ZFPM2: variants seen among roughly 807,000 people sequenced by gnomAD.
ZFPM2 encodes the protein zinc finger protein, FOG family member 2, also known as zinc finger protein ZFPM2.
A neutral mutation model predicts 98.6 loss-of-function variants in ZFPM2; 20 were observed. The observed-to-expected ratio is 0.20, with a 90% CI of 0.14 to 0.29. ZFPM2 has a LOEUF of 0.29. ZFPM2 is among the 10% of genes least tolerant of loss of function. The pLI, the probability that ZFPM2 is intolerant of heterozygous loss-of-function variation, is 1.00. For synonymous variants in ZFPM2, 518 were observed against 502.7 expected, an observed-to-expected ratio of 1.03 and a Z score of -0.41; for missense variants, 1,310 against 1,388.6, an observed-to-expected ratio of 0.94 and a Z score of 0.90.
At chr8:105,669,136 CA>C (rs1389676886) in intron 5 of ZFPM2, among the ~76,000 whole-genome samples, 1 of 151,936 alleles carries the variant, frequency 6.6e-6, no homozygotes, top group African/African-American at 2.4e-5. Context: ...ATATTGCAAG[CA>C]AATGTTATAA....
rs189078418 is a variant in ZFPM2, at chr8:105,570,674, A to G, written c.420+9193A>G. Among the ~76,000 whole-genome samples, 19 of 152,284 alleles carry G rather than the reference A, an allele frequency of 1.2e-4. No homozygotes were observed. The East Asian group carries it at 1.9e-3, about 15-fold the overall frequency. On this transcript the variant is annotated intron_variant, in intron 4 of 7. Transcript: ENST00000407775. Reference sequence around the variant, plus strand: ...GTGTATAGCTAGCCTGTTAACCTCAATCTCATCCTGACTTACTTTTTCTCC... The same window carrying G: ...GTGTATAGCTAGCCTGTTAACCTCAGTCTCATCCTGACTTACTTTTTCTCC...
rs13262256 is a variant in ZFPM2 at position 105,330,633 on chromosome 8, C to T, written c.40+11652C>T. On this transcript the variant is annotated intron_variant, in intron 1 of 7. Coordinates refer to ENST00000407775, the MANE Select transcript of ZFPM2 (RefSeq NM_012082.4). ...ATACACATATATATATATATATATA[C>T]ATATATATATATATATTTTTCAGGA... is the stretch of plus-strand genomic sequence containing the variant. 6.2e-3 allele frequency among the ~76,000 whole-genome samples: 525 copies of T among 85,270 alleles called. 5 individuals carry two copies. Among genetic ancestry groups the T allele is most frequent in the African/African-American group, 7.9e-3 (177 of 22,462 alleles). The allele number at this position is 85,270 out of a possible 152,430, so 55.9% of individuals were successfully genotyped here.
At position 105,604,533 on chromosome 8, in the gene ZFPM2, C is replaced by T. The variant is rs1175077478; in HGVS notation, c.421-29713C>T. ...CTTTTCCGTGGTCTCCATGGCTCTACATGATCTGGACTTTTTCTAGCCCCT... is the reference window on the plus strand; with the variant it reads ...CTTTTCCGTGGTCTCCATGGCTCTATATGATCTGGACTTTTTCTAGCCCCT... On this transcript the variant is annotated intron_variant, in intron 4 of 7. Transcript: ENST00000407775. 2.6e-5 allele frequency among the ~76,000 whole-genome samples: 4 copies of T among 152,090 alleles called. No individual in the cohort carries two copies. The East Asian group carries it at 7.7e-4, about 29-fold the overall frequency.
chr8:105,442,130 G>A (rs1263956639), intron 2 of ZFPM2, among the ~76,000 whole-genome samples: 2 of 150,862 alleles, frequency 1.3e-5, no homozygotes, highest in African/African-American at 2.4e-5. Context: ...TCAGGAGATC[G>A]AGACTATCCT....
intron 3 of ZFPM2, among the ~76,000 whole-genome samples, chr8:105,495,553 G>T (rs1246862209): frequency 1.3e-5 from 2 of 152,108 alleles, no homozygotes; most frequent in African/African-American, 2.4e-5. Flanking sequence ...TTGCTTGCTT[G>T]CTTGTTCCTG....
At chr8:105,396,027 C>T (rs1434836059) in intron 1 of ZFPM2, among the ~76,000 whole-genome samples, 1 of 152,172 alleles carries the variant, frequency 6.6e-6, no homozygotes, top group Non-Finnish European at 1.5e-5. Flanking sequence ...ATTTTTATTA[C>T]ATTTCCATCA....
intron 3 of ZFPM2, among the ~76,000 whole-genome samples, chr8:105,537,217 G>A (rs1435250467): frequency 6.6e-6 from 1 of 151,728 alleles, no homozygotes; most frequent in Non-Finnish European, 1.5e-5. Context: ...TCTGTTTTCT[G>A]TTGAAGTATT....
chr8:105,555,785 A>AT (rs1178204631), intron 3 of ZFPM2, among the ~76,000 whole-genome samples: 1 of 152,194 alleles, frequency 6.6e-6, no homozygotes. Context: ...ATGAAGGAGA[A>AT]TAGCTTTGGG....
At chr8:105,767,313 G>T (rs1010128686) in intron 5 of ZFPM2, among the ~76,000 whole-genome samples, 4 of 151,830 alleles carry the variant, frequency 2.6e-5, no homozygotes, top group African/African-American at 9.7e-5. Flanking sequence ...CAAAAATATT[G>T]CTTTTATGCA....
chr8:105,373,981 A>G (rs1437529309), intron 1 of ZFPM2, among the ~76,000 whole-genome samples: 2 of 152,222 alleles, frequency 1.3e-5, no homozygotes, highest in African/African-American at 4.8e-5. Flanking sequence ...GGAACGAACT[A>G]GATATTGTGT....
At chr8:105,376,926 G>A (rs1360968033) in intron 1 of ZFPM2, among the ~76,000 whole-genome samples, 9 of 152,148 alleles carry the variant, frequency 5.9e-5, no homozygotes, top group Non-Finnish European at 2.9e-5. Context: ...GCTTCCCAAT[G>A]CAATTAGAAT....
intron 4 of ZFPM2, among the ~76,000 whole-genome samples, chr8:105,573,390 G>A (rs2130725724): frequency 6.6e-6 from 1 of 152,218 alleles, no homozygotes. Context: ...AAGGTAATTT[G>A]CATAAGTAGT....
rs144575808 is a variant in ZFPM2, at chr8:105,701,664, G to C, written c.532+67307G>C. 4.6e-5 allele frequency among the ~76,000 whole-genome samples: 7 copies of C among 152,188 alleles called. No homozygotes were observed. In the East Asian group the frequency reaches 1.4e-3, roughly 29 times the overall value. ...GTGGTAGAAATATGCATAATTTAACGTTACAAAATACATGCCTGGAAGTTC... is the reference window on the plus strand; with the variant it reads ...GTGGTAGAAATATGCATAATTTAACCTTACAAAATACATGCCTGGAAGTTC... On this transcript the variant is annotated intron_variant, in intron 5 of 7. Coordinates refer to ENST00000407775, the MANE Select transcript of ZFPM2 (RefSeq NM_012082.4).
At chr8:105,407,293 T>C (rs1811481195) in intron 1 of ZFPM2, among the ~76,000 whole-genome samples, 1 of 151,836 alleles carries the variant, frequency 6.6e-6, no homozygotes, top group Non-Finnish European at 1.5e-5. Context: ...ACCAATATAT[T>C]TTACTTCACG....
chr8:105,596,489 C>T (rs1031919346), intron 4 of ZFPM2, among the ~76,000 whole-genome samples: 1 of 151,976 alleles, frequency 6.6e-6, no homozygotes, highest in Non-Finnish European at 1.5e-5. Flanking sequence ...TTCTGGTATG[C>T]CATACCTAGG....
chr8:105,736,107 T>C (rs1373862680), intron 5 of ZFPM2, among the ~76,000 whole-genome samples: 1 of 151,880 alleles, frequency 6.6e-6, no homozygotes, highest in Non-Finnish European at 1.5e-5. Context: ...AGCATTGAGA[T>C]TTTTTTTCTC....
chr8:105,785,391 C>G (rs1813385030), intron 5 of ZFPM2, among the ~76,000 whole-genome samples: 1 of 136,150 alleles, frequency 7.3e-6, no homozygotes, highest in Non-Finnish European at 1.5e-5. Context: ...AGTCACAGTT[C>G]TGCCACTGAC....
chr8:105,693,975 CTTTTCTTTTTTTTTTT>C (rs1016140404), intron 5 of ZFPM2, among the ~76,000 whole-genome samples: 3 of 108,518 alleles, frequency 2.8e-5, no homozygotes, highest in South Asian at 3.6e-4. Flanking sequence ...TTCTTTTTTT[CTTTTCTTTTTTTTTTT>C]TTTTTTTTTT....
intron 5 of ZFPM2, among the ~76,000 whole-genome samples, chr8:105,702,161 TCTTTG>T (rs965784115): frequency 3.9e-5 from 6 of 152,222 alleles, no homozygotes; most frequent in African/African-American, 1.4e-4. Flanking sequence ...GTTTGTTTTG[TCTTTG>T]CTTTGTTTTC....
Sources: gnomAD v4.1 joint callset for allele counts (sites outside exome capture counted in the v4.1 genomes callset) on GRCh38, gnomAD v4.1.1 for gene constraint, MANE v1.5 for transcripts, NCBI Gene and HGNC (gene_info 2026-07-23, HGNC 2026-07-21) for gene names.